The following TMEM178B variants were observed in gnomAD, a reference collection of about 807,000 sequenced individuals.
TMEM178B encodes the protein transmembrane protein 178B.
TMEM178B carries 5 observed loss-of-function variants against 31.0 expected under a neutral mutation model. That is an observed-to-expected ratio of 0.16 (90% CI 0.08 to 0.34). TMEM178B has a LOEUF of 0.34. Among genes scored for constraint, TMEM178B ranks in the 10% least tolerant of loss-of-function variants. The pLI, the probability that TMEM178B is intolerant of heterozygous loss-of-function variation, is 1.00. For synonymous variants in TMEM178B, 164 were observed against 164.0 expected, an observed-to-expected ratio of 1.00 and a Z score of 0.00; for missense variants, 275 against 400.3, an observed-to-expected ratio of 0.69 and a Z score of 2.67.
intron 2 of TMEM178B, among the ~76,000 whole-genome samples, chr7:141,299,471 G>A (rs771785377): frequency 7.9e-5 from 12 of 152,164 alleles, no homozygotes; most frequent in Admixed American, 3.3e-4. Flanking sequence ...CAGGCAGAGC[G>A]GAAGCACCAC....
chr7:141,134,646 T>C (rs185005364), intron 1 of TMEM178B, among the ~76,000 whole-genome samples: 1 of 152,144 alleles, frequency 6.6e-6, no homozygotes, highest in Admixed American at 6.5e-5. Context: ...CAGAAAACAA[T>C]GAACAATAAT....
chr7:141,283,472 G>C (rs925402971), intron 2 of TMEM178B, among the ~76,000 whole-genome samples: 2 of 152,232 alleles, frequency 1.3e-5, no homozygotes, highest in Admixed American at 6.5e-5. Flanking sequence ...GCAGCAAGGG[G>C]ATGGCATTCC....
chr7:141,201,306 G>T (rs1238892665), intron 1 of TMEM178B, among the ~76,000 whole-genome samples: 1 of 152,186 alleles, frequency 6.6e-6, no homozygotes, highest in Non-Finnish European at 1.5e-5. Flanking sequence ...AGGAGTGACT[G>T]TGCTCAGTGC....
intron 2 of TMEM178B, among the ~76,000 whole-genome samples, chr7:141,350,837 G>A (rs1293745130): frequency 3.3e-5 from 5 of 152,072 alleles, no homozygotes; most frequent in African/African-American, 1.2e-4. Flanking sequence ...CTTGATTCCC[G>A]TGATTCAAAG....
chr7:141,165,568 C>T (rs914936109), intron 1 of TMEM178B, among the ~76,000 whole-genome samples: 2 of 152,184 alleles, frequency 1.3e-5, no homozygotes, highest in African/African-American at 4.8e-5. Flanking sequence ...TCCAGACCCT[C>T]TTGGTTAGAA....
At chr7:141,199,472 G>A (rs1032933117) in intron 1 of TMEM178B, among the ~76,000 whole-genome samples, 1 of 152,240 alleles carries the variant, frequency 6.6e-6, no homozygotes, top group African/African-American at 2.4e-5. Flanking sequence ...ATCTCCATCC[G>A]TTGTAGTGGG....
chr7:141,131,603 A>G (rs548080963), intron 1 of TMEM178B, among the ~76,000 whole-genome samples: 4 of 152,214 alleles, frequency 2.6e-5, no homozygotes, highest in East Asian at 3.9e-4. Context: ...TCTTTTACCT[A>G]TCATAGGGTT....
rs559701780 is a variant in TMEM178B, at chr7:141,096,326, G to T, written c.382+21634G>T. ...GTGACTGGGTTCTGGACAGTGATAT[G>T]TGAGTATAAGTGGTATATTCCACTT... On this transcript the variant is annotated intron_variant, in intron 1 of 3. Coordinates refer to ENST00000565468, the MANE Select transcript of TMEM178B (RefSeq NM_001195278.2). Among the ~76,000 whole-genome samples, 6 of 152,318 alleles carry T rather than the reference G, an allele frequency of 3.9e-5. No homozygotes were observed. The East Asian group carries it at 1.2e-3, about 29-fold the overall frequency.
intron 1 of TMEM178B, among the ~76,000 whole-genome samples, chr7:141,078,524 G>A (rs1794633002): frequency 2.0e-5 from 3 of 152,196 alleles, no homozygotes; most frequent in African/African-American, 7.2e-5. Context: ...TCGCTAGGAT[G>A]AAGAAATGCA....
chr7:141,109,730 G>C (rs1161772963), intron 1 of TMEM178B, among the ~76,000 whole-genome samples: 1 of 152,174 alleles, frequency 6.6e-6, no homozygotes, highest in Non-Finnish European at 1.5e-5. Flanking sequence ...GGAGAAGCCT[G>C]TGGCAGGAGA....
chr7:141,181,491 G>A (rs1034314536), intron 1 of TMEM178B, among the ~76,000 whole-genome samples: 30 of 152,182 alleles, frequency 2.0e-4, no homozygotes, highest in African/African-American at 7.2e-4. Flanking sequence ...GTCTCATAAA[G>A]GGCTCAGTGT....
chr7:141,336,482 G>A (rs899859777), intron 2 of TMEM178B, among the ~76,000 whole-genome samples: 1 of 152,008 alleles, frequency 6.6e-6, no homozygotes, highest in Non-Finnish European at 1.5e-5. Context: ...CTTCACTACT[G>A]TAGGTCTCTA....
At chr7:141,238,279 A>G (rs1563127615) in intron 2 of TMEM178B, among the ~76,000 whole-genome samples, 1 of 152,074 alleles carries the variant, frequency 6.6e-6, no homozygotes, top group Non-Finnish European at 1.5e-5. Context: ...GAAAGGTCTC[A>G]CTTCTCTATG....
chr7:141,480,605 T>C (rs994582466), downstream of TMEM178B, among the ~76,000 whole-genome samples: 4 of 152,160 alleles, frequency 2.6e-5, no homozygotes, highest in Non-Finnish European at 5.9e-5. Flanking sequence ...GGAGAAAAAA[T>C]GGAGAGGGAT....
intron 2 of TMEM178B, among the ~76,000 whole-genome samples, chr7:141,328,943 T>A (rs1017532750): frequency 6.6e-6 from 1 of 152,124 alleles, no homozygotes; most frequent in African/African-American, 2.4e-5. Flanking sequence ...GAGAATCAGG[T>A]CTTATGACTT....
the TMEM178B span, among the ~76,000 whole-genome samples, chr7:141,510,368 A>G: frequency 6.6e-6 from 1 of 152,126 alleles, no homozygotes; most frequent in Non-Finnish European, 1.5e-5. Flanking sequence ...AGCAAGAACT[A>G]AAAGGAAGAA....
chr7:141,099,457 T>C (rs1795016409), intron 1 of TMEM178B, among the ~76,000 whole-genome samples: 1 of 152,226 alleles, frequency 6.6e-6, no homozygotes, highest in Admixed American at 6.5e-5. Context: ...TGCACATTAA[T>C]TCATCCTGAA....
At chr7:141,097,011 G>T (rs894565363) in intron 1 of TMEM178B, among the ~76,000 whole-genome samples, 1 of 150,534 alleles carries the variant, frequency 6.6e-6, no homozygotes, top group African/African-American at 2.4e-5. Context: ...GATCATCTGA[G>T]TCCAGAAGAT....
rs753926153 is a variant in TMEM178B, at chr7:141,477,474, T to G, written c.*6688T>G. The G allele has an allele frequency of 6.6e-6, 1 of 152,192 alleles. No individual in the cohort carries two copies. Among genetic ancestry groups the G allele is most frequent in the Non-Finnish European group, 1.5e-5 (1 of 68,050 alleles). 9.4% of individuals were successfully genotyped at this position (152,192 alleles called of 1,614,324 possible). A position where few individuals can be genotyped will look rare whatever the true frequency, so the allele number is the denominator to read the frequency against. On this transcript the variant is annotated 3_prime_UTR_variant, in exon 4 of 4. Coordinates refer to ENST00000565468, the MANE Select transcript of TMEM178B (RefSeq NM_001195278.2). ...TCATCAGTGTCTGCTTAGAACTCTC[T>G]GTTCTAAAGGTTTTTCCCTGTAAAG...
Sources: gnomAD v4.1 joint callset for allele counts (sites outside exome capture counted in the v4.1 genomes callset) on GRCh38, gnomAD v4.1.1 for gene constraint, MANE v1.5 for transcripts, NCBI Gene and HGNC (gene_info 2026-07-23, HGNC 2026-07-21) for gene names.